The following ORC5 variants were observed in gnomAD, a reference collection of about 807,000 sequenced individuals.
The protein encoded by ORC5 is origin recognition complex subunit 5, also known as protein phosphatase 1, regulatory subunit 117.
A neutral mutation model predicts 58.8 loss-of-function variants in ORC5; 39 were observed. The ratio of observed to expected loss-of-function variants is 0.66; its 90% CI spans 0.51 to 0.87. ORC5 has a LOEUF of 0.87. Ranked by LOEUF, ORC5 falls within the 40% of genes least tolerant of loss-of-function variation. The pLI, the probability that ORC5 is intolerant of heterozygous loss-of-function variation, is 0.00. For missense variants in ORC5, 493 were observed against 506.3 expected (o/e 0.97, Z 0.25); for synonymous variants, 218 against 177.6 (o/e 1.23, Z -1.81).
chr7:104,203,453 A>C (rs1167291885), intron 2 of ORC5, among the ~76,000 whole-genome samples: 1 of 152,236 alleles, frequency 6.6e-6, no homozygotes, highest in Non-Finnish European at 1.5e-5. Flanking sequence ...TTAGGATATG[A>C]AAGGGAGTAT....
chr7:104,197,307 T>C (rs1412779793), intron 4 of ORC5, among the ~76,000 whole-genome samples: 3 of 152,144 alleles, frequency 2.0e-5, no homozygotes, highest in Non-Finnish European at 4.4e-5. Flanking sequence ...TAAACTGAAA[T>C]ACAAAAGTAA....
At chr7:104,164,466 T>C (rs62485908) in intron 11 of ORC5, among the ~76,000 whole-genome samples, 3,996 of 152,264 alleles carry the variant, frequency 0.026, 91 homozygotes, top group Non-Finnish European at 0.039. Context: ...CATTTGTCTA[T>C]TGTAGGAGTT....
chr7:104,130,989 T>C (rs1253120506), intron 13 of ORC5, among the ~76,000 whole-genome samples: 1 of 152,184 alleles, frequency 6.6e-6, no homozygotes, highest in Non-Finnish European at 1.5e-5. Flanking sequence ...TACGATGTGA[T>C]TTCGATTATA....
At chr7:104,176,924 A>G (rs185523811) in intron 8 of ORC5, among the ~76,000 whole-genome samples, 1 of 152,248 alleles carries the variant, frequency 6.6e-6, no homozygotes, top group Non-Finnish European at 1.5e-5. Flanking sequence ...CTATAAACTC[A>G]GCCTAAATAC....
chr7:104,193,852 T>C (rs1471022214), intron 5 of ORC5, among the ~76,000 whole-genome samples: 1 of 151,796 alleles, frequency 6.6e-6, no homozygotes, highest in Non-Finnish European at 1.5e-5. Context: ...GACCATTTTA[T>C]TTACTTTTGT....
chr7:104,171,425 C>A (rs770128424), intron 8 of ORC5, among the ~76,000 whole-genome samples: 3 of 152,070 alleles, frequency 2.0e-5, no homozygotes, highest in Non-Finnish European at 2.9e-5. Flanking sequence ...CTAAAGTGCT[C>A]CCTTCTGGAA....
chr7:104,156,741 AAAGCAAT>A (rs1480316278), intron 12 of ORC5, among the ~76,000 whole-genome samples: 1 of 151,910 alleles, frequency 6.6e-6, no homozygotes, highest in Non-Finnish European at 1.5e-5. Context: ...TAACTAATAA[AAAGCAAT>A]TTACCTCCAG....
intron 13 of ORC5, among the ~76,000 whole-genome samples, chr7:104,135,622 T>C (rs772174983): frequency 1.3e-5 from 2 of 152,142 alleles, no homozygotes; most frequent in Non-Finnish European, 2.9e-5. Flanking sequence ...ATTTATTTAT[T>C]TTTCAGAGCA....
intron 11 of ORC5, among the ~76,000 whole-genome samples, chr7:104,164,008 AT>A (rs1277636035): frequency 6.6e-6 from 1 of 152,228 alleles, no homozygotes; most frequent in Non-Finnish European, 1.5e-5. Context: ...TCATTAGTGA[AT>A]AAGGCTGTTA....
intron 8 of ORC5, among the ~76,000 whole-genome samples, chr7:104,173,725 C>T (rs1007672624): frequency 1.3e-5 from 2 of 152,072 alleles, no homozygotes; most frequent in Admixed American, 6.5e-5. Flanking sequence ...GGTTTGAATA[C>T]TCCGGTTACT....
intron 1 of ORC5, among the ~76,000 whole-genome samples, chr7:104,206,696 A>G (rs1253745551): frequency 1.3e-5 from 2 of 152,218 alleles, no homozygotes; most frequent in African/African-American, 4.8e-5. Flanking sequence ...TTCTAGTTGG[A>G]TGAAAGTACA....
intron 8 of ORC5, 139 bp from the exon 9 acceptor site, chr7:104,168,664 A>ATTTTTTTTTTTTTTTTTTTTTTTTTTT: frequency 2.0e-6 from 1 of 488,740 alleles, no homozygotes; most frequent in Non-Finnish European, 3.6e-6. Context: ...TGCAATAAAC[A>ATTTTTTTTTTTTTTTTTTTTTTTTTTT]TGTTTGTACC....
chr7:104,141,710 AT>A (rs1392634637), intron 12 of ORC5, among the ~76,000 whole-genome samples: 2 of 152,222 alleles, frequency 1.3e-5, no homozygotes, highest in Admixed American at 1.3e-4. Context: ...ATTTAAAAAA[AT>A]CTAACTTACA....
intron 5 of ORC5, among the ~76,000 whole-genome samples, chr7:104,189,509 C>T (rs978990115): frequency 5.3e-5 from 8 of 152,106 alleles, no homozygotes; most frequent in African/African-American, 1.7e-4. Flanking sequence ...TATCAAGGCC[C>T]CACCTCCTGT....
At chr7:104,200,714 A>C (rs1346562324) in intron 3 of ORC5, 44 bp downstream of exon 3, 1 of 1,171,946 alleles carries the variant, frequency 8.5e-7, no homozygotes, top group South Asian at 1.3e-5. Context: ...ATAAATTATC[A>C]GTTTTCAAGA....
At chr7:104,142,578 G>A (rs1033383048) in intron 12 of ORC5, among the ~76,000 whole-genome samples, 2 of 151,964 alleles carry the variant, frequency 1.3e-5, no homozygotes, top group Non-Finnish European at 2.9e-5. Context: ...TAAAAAGACT[G>A]AAAAAATCAA....
At position 104,126,773 on chromosome 7, in the gene ORC5, G is replaced by T; in HGVS notation, c.*75C>A. ...TAGAGCCAAAGAACTCCTCTCCTTG[G>T]CCAGCTAAGTAGCTGGATGAACACA... On this transcript the variant is annotated 3_prime_UTR_variant, in exon 14 of 14. Transcript: ENST00000297431. 1 of 1,088,088 alleles carries T rather than the reference G, an allele frequency of 9.2e-7. No homozygotes were observed. The highest frequency in any genetic ancestry group is 1.4e-6 in the Non-Finnish European group (1 of 733,520). 67.4% of individuals were successfully genotyped at this position (1,088,088 alleles called of 1,614,324 possible). A position where few individuals can be genotyped will look rare whatever the true frequency, so the allele number is the denominator to read the frequency against.
rs10672012 is a variant in ORC5, at chr7:104,205,086, CTTTTTTTTTT to C, written c.73-862_73-853del. 5.3e-3 allele frequency among the ~76,000 whole-genome samples: 525 copies of C among 99,456 alleles called. 3 individuals are homozygous for C. The highest frequency in any genetic ancestry group is 8.8e-3 in the Middle Eastern group (1 of 114). The allele number at this position is 99,456 out of a possible 152,430, so 65.2% of individuals were successfully genotyped here. On this transcript the variant is annotated intron_variant, in intron 1 of 13. Coordinates refer to ENST00000297431, the MANE Select transcript of ORC5 (RefSeq NM_002553.4). ...GAAAACTTGATTTTTTAATAATACT[CTTTTTTTTTT>C]TTTTTTTTTTTGAGATGGAGTCTCA...
chr7:104,192,791 A>G (rs1260519163), intron 5 of ORC5, among the ~76,000 whole-genome samples: 1 of 152,066 alleles, frequency 6.6e-6, no homozygotes, highest in African/African-American at 2.4e-5. Flanking sequence ...AGGATACAAA[A>G]GAAAACAAAA....
Sources: allele counts gnomAD v4.1 joint callset (sites outside exome capture counted in the v4.1 genomes callset), GRCh38; gene constraint gnomAD v4.1.1; transcripts MANE v1.5; gene names NCBI Gene and HGNC (gene_info 2026-07-23, HGNC 2026-07-21).